The following XXYLT1 variants were observed in gnomAD, a reference collection of about 807,000 sequenced individuals.
The protein encoded by XXYLT1 is xyloside xylosyltransferase 1.
In XXYLT1, 20 loss-of-function variants were observed where a neutral mutation model predicts 28.9. The observed-to-expected ratio is 0.69, with a 90% CI of 0.49 to 1.00. The LOEUF (loss-of-function observed/expected upper bound fraction) is 1.00. Ranked by LOEUF, XXYLT1 falls within the 50% of genes least tolerant of loss-of-function variation. The probability of loss-of-function intolerance (pLI) is 0.00; values close to 1 mark genes in which losing one functional copy is unlikely to be tolerated. For synonymous variants in XXYLT1, 257 were observed against 253.8 expected (o/e 1.01, Z -0.12); for missense variants, 542 against 560.1 (o/e 0.97, Z 0.33).
At chr3:195,122,408 C>A (rs144525104) in intron 3 of XXYLT1, among the ~76,000 whole-genome samples, 9 of 150,788 alleles carry the variant, frequency 6.0e-5, no homozygotes, top group African/African-American at 2.2e-4. Context: ...CAGTGTCTAG[C>A]TGGAATGTAG....
chr3:195,238,310 T>C (rs967554707), intron 1 of XXYLT1, among the ~76,000 whole-genome samples: 1 of 152,110 alleles, frequency 6.6e-6, no homozygotes, highest in Non-Finnish European at 1.5e-5. Context: ...CCTATCCAGT[T>C]TTCCAATCCT....
chr3:195,258,934 T>C (rs1173369751), intron 1 of XXYLT1, among the ~76,000 whole-genome samples: 1 of 152,258 alleles, frequency 6.6e-6, no homozygotes, highest in East Asian at 1.9e-4. Flanking sequence ...GCCCTCCAAC[T>C]GAATCAACGG....
At chr3:195,075,321 T>C (rs2108640039) in intron 3 of XXYLT1, among the ~76,000 whole-genome samples, 1 of 152,312 alleles carries the variant, frequency 6.6e-6, no homozygotes, top group African/African-American at 2.4e-5. Context: ...ATGCTCCTCA[T>C]AGAGCCACGG....
chr3:195,212,717 AC>A (rs1290137867), intron 2 of XXYLT1, among the ~76,000 whole-genome samples: 1 of 152,164 alleles, frequency 6.6e-6, no homozygotes, highest in Non-Finnish European at 1.5e-5. Context: ...CTGAGGTGGA[AC>A]CGTTTCATCC....
intron 1 of XXYLT1, among the ~76,000 whole-genome samples, chr3:195,233,007 GTC>G (rs1560166003): frequency 6.6e-6 from 1 of 152,100 alleles, no homozygotes; most frequent in Non-Finnish European, 1.5e-5. Flanking sequence ...TTGTATTGGG[GTC>G]TATCTCCATC....
At chr3:195,156,424 C>T (rs774398386) in intron 3 of XXYLT1, 25 bp downstream of exon 3, 9 of 1,607,942 alleles carry the variant, frequency 5.6e-6, no homozygotes, top group East Asian at 4.5e-5. Flanking sequence ...GTCGTGGAGG[C>T]GGCCCCCCTG....
intron 1 of XXYLT1, among the ~76,000 whole-genome samples, chr3:195,252,727 CAG>C (rs10649695): frequency 0.02 from 2,347 of 118,732 alleles, 19 homozygotes; most frequent in Non-Finnish European, 0.023. Context: ...CACACACACA[CAG>C]AGAGAGAGAG....
intron 3 of XXYLT1, chr3:195,093,690 AAAATAAATAAAT>A (rs77855644): frequency 6.6e-6 from 1 of 151,298 alleles, no homozygotes; most frequent in Non-Finnish European, 1.5e-5. Context: ...TAAAAAAATA[AAAATAAATAAAT>A]AAATAAATAA....
At chr3:195,073,951 G>C (rs927167227) in intron 3 of XXYLT1, among the ~76,000 whole-genome samples, 1 of 152,058 alleles carries the variant, frequency 6.6e-6, no homozygotes, top group African/African-American at 2.4e-5. Flanking sequence ...CTCTGCTAAG[G>C]GCTCTCGAGA....
rs1476191057 is a variant in XXYLT1, at chr3:195,255,287, G to C, written c.504+15268C>G. Among the ~76,000 whole-genome samples, 2 of 152,214 alleles carry C rather than the reference G, an allele frequency of 1.3e-5. No homozygotes were observed. Among genetic ancestry groups the C allele is most frequent in the African/African-American group, 4.8e-5 (2 of 41,448 alleles). Reference sequence around the variant, plus strand: ...AGTCACGGCAGGACTGGGGCTGCAGGAGTGCAGAGCCAGGTGGGAGACAGC... The same window carrying C: ...AGTCACGGCAGGACTGGGGCTGCAGCAGTGCAGAGCCAGGTGGGAGACAGC... On this transcript the variant is annotated intron_variant, in intron 1 of 3. Transcript: ENST00000310380. This position sits in a 1 kb window ranked among gnomAD's most constrained non-coding sequence, Gnocchi z 4.5.
At chr3:195,246,352 C>T (rs941052097) in intron 1 of XXYLT1, among the ~76,000 whole-genome samples, 4 of 152,184 alleles carry the variant, frequency 2.6e-5, no homozygotes, top group Admixed American at 2.0e-4. Flanking sequence ...TCACCCTGCT[C>T]GTGTCTTCCT....
intron 3 of XXYLT1, among the ~76,000 whole-genome samples, chr3:195,110,910 GGTGT>G (rs1347250323): frequency 2.6e-5 from 1 of 38,224 alleles, no homozygotes; most frequent in Non-Finnish European, 6.2e-5. Flanking sequence ...TGAGGTGTGT[GGTGT>G]GTGTGTGTGG....
rs187161776 is a variant in XXYLT1 at position 195,252,307 on chromosome 3, C to T, written c.504+18248G>A. ...GAAGAAATAGAGTGAGCTTTAGCTA[C>T]GTCTATAATATTTTATTTCCTTAAA... On this transcript the variant is annotated intron_variant, in intron 1 of 3. Coordinates refer to ENST00000310380, the MANE Select transcript of XXYLT1 (RefSeq NM_152531.5). Among the ~76,000 whole-genome samples, 13 of 152,104 alleles carry T rather than the reference C, an allele frequency of 8.5e-5. 1 individual carries two copies. The highest frequency in any genetic ancestry group is 7.2e-4 in the Admixed American group (11 of 15,280).
rs547331576 is a variant in XXYLT1 at position 195,124,564 on chromosome 3, C to T, written c.785+31885G>A. Among the ~76,000 whole-genome samples, 49 of 152,288 alleles carry T rather than the reference C, an allele frequency of 3.2e-4. 1 individual carries two copies. In the South Asian group the frequency reaches 0.01, roughly 32 times the overall value. Reference sequence around the variant, plus strand: ...GCAAGGACCACGTTTGTTTTGCTCACGAACGCAGCCCCAGCACCTGGCACA... The same window carrying T: ...GCAAGGACCACGTTTGTTTTGCTCATGAACGCAGCCCCAGCACCTGGCACA... On this transcript the variant is annotated intron_variant, in intron 3 of 3. Transcript: ENST00000310380. The surrounding 1 kb of genome is among the most constrained non-coding windows in gnomAD (Gnocchi z 4.1).
At chr3:195,220,035 T>A (rs1723752074) in intron 2 of XXYLT1, among the ~76,000 whole-genome samples, 1 of 152,122 alleles carries the variant, frequency 6.6e-6, no homozygotes, top group Admixed American at 6.5e-5. Flanking sequence ...ATGGTGGCAA[T>A]AATCACATGC....
At chr3:195,103,443 A>AGCGGCCTGCGTCCATCACCCCACC (rs1560095955) in intron 3 of XXYLT1, among the ~76,000 whole-genome samples, 1 of 48,556 alleles carries the variant, frequency 2.1e-5, no homozygotes. Context: ...ATCACCCCAC[A>AGCGGCCTGCGTCCATCACCCCACC]CCAGCGGCCT....
intron 1 of XXYLT1, among the ~76,000 whole-genome samples, chr3:195,234,083 A>ATT (rs34281713): frequency 9.2e-4 from 129 of 140,650 alleles, no homozygotes; most frequent in African/African-American, 2.1e-3. Context: ...CGCCCAGCTA[A>ATT]TTTTTTTTTT....
intron 3 of XXYLT1, among the ~76,000 whole-genome samples, chr3:195,149,802 G>T (rs946240505): frequency 2.0e-5 from 3 of 152,142 alleles, no homozygotes; most frequent in Non-Finnish European, 2.9e-5. Context: ...CATAAAAACT[G>T]GTCTGTATAG....
chr3:195,178,618 C>T (rs901641406), intron 2 of XXYLT1, among the ~76,000 whole-genome samples: 4 of 152,196 alleles, frequency 2.6e-5, no homozygotes, highest in Admixed American at 6.5e-5. Flanking sequence ...GAGAATAGCC[C>T]TGTACTCTGC....
Sources: allele counts gnomAD v4.1 joint callset (sites outside exome capture counted in the v4.1 genomes callset), GRCh38; gene constraint gnomAD v4.1.1; non-coding constraint Gnocchi (gnomAD v3.1); transcripts MANE v1.5; gene names NCBI Gene and HGNC (gene_info 2026-07-23, HGNC 2026-07-21).